Variants in DLGAP2 observed in about 807,000 individuals in gnomAD.
DLGAP2 encodes the protein disks large-associated protein 2.
In DLGAP2, 26 loss-of-function variants were observed where a neutral mutation model predicts 100.3. The observed-to-expected ratio is 0.26, with a 90% CI of 0.19 to 0.36. The LOEUF (loss-of-function observed/expected upper bound fraction) is 0.36, where lower values mean the gene tolerates loss of function less well. Ranked by LOEUF, DLGAP2 falls within the 10% of genes least tolerant of loss-of-function variation. The probability of loss-of-function intolerance (pLI) is 1.00; values close to 1 mark genes in which losing one functional copy is unlikely to be tolerated. For synonymous variants in DLGAP2, 886 were observed against 630.1 expected (o/e 1.41, Z -6.08); for missense variants, 1,858 against 1,453.2 (o/e 1.28, Z -4.53).
At chr8:1,120,505 C>G (rs1796012334) in intron 2 of DLGAP2, among the ~76,000 whole-genome samples, 1 of 152,142 alleles carries the variant, frequency 6.6e-6, no homozygotes, top group Non-Finnish European at 1.5e-5. Flanking sequence ...AGCCACCCAT[C>G]CTTCGGAACC....
intron 3 of DLGAP2, among the ~76,000 whole-genome samples, chr8:1,418,195 C>G (rs147244728): frequency 7.9e-5 from 12 of 152,150 alleles, no homozygotes; most frequent in Non-Finnish European, 1.3e-4. Flanking sequence ...CTTGGGTGGC[C>G]CAAAGAATGA....
chr8:1,381,645 G>C (rs1261787880), intron 3 of DLGAP2, among the ~76,000 whole-genome samples: 1 of 152,146 alleles, frequency 6.6e-6, no homozygotes, highest in Non-Finnish European at 1.5e-5. Context: ...GGTTTTTCTA[G>C]TTCCACAAGT....
intron 4 of DLGAP2, among the ~76,000 whole-genome samples, chr8:1,524,269 C>G (rs915131714): frequency 1.3e-5 from 2 of 152,144 alleles, no homozygotes; most frequent in African/African-American, 4.8e-5. Context: ...TGTCTGTTGT[C>G]CACCAATCTC....
chr8:1,423,577 G>A (rs945365999), intron 3 of DLGAP2, among the ~76,000 whole-genome samples: 2 of 152,236 alleles, frequency 1.3e-5, no homozygotes, highest in Admixed American at 6.5e-5. Context: ...TGAAAAGCAC[G>A]ACTTCCAGGA....
In DLGAP2 at chr8:1,409,085, G is replaced by A. The variant is rs114934759; in HGVS notation, c.107-92281G>A. On this transcript the variant is annotated intron_variant, in intron 3 of 14. Transcript: ENST00000637795. ...CCCTTCCTCACTGTAGCAGGCGCCC[G>A]GCTCCCCTTGGACCACTGCCCAGTT... is the stretch of plus-strand genomic sequence containing the variant. 9.9e-3 allele frequency among the ~76,000 whole-genome samples: 1,500 copies of A among 151,116 alleles called. 21 individuals carry two copies. The highest frequency in any genetic ancestry group is 0.034 in the African/African-American group (1,419 of 41,144).
rs1409285910 is a variant in DLGAP2, at chr8:1,548,570, C to G, written c.173-56C>G. The G allele has an allele frequency of 4.9e-6, 7 of 1,426,160 alleles. No individual in the cohort carries two copies. In the Admixed American group the frequency reaches 7.6e-5, roughly 15 times the overall value. The allele number at this position is 1,426,160 out of a possible 1,614,324, so 88.3% of individuals were successfully genotyped here. On this transcript the variant is annotated intron_variant, in intron 4 of 14. Coordinates refer to ENST00000637795, the MANE Select transcript of DLGAP2 (RefSeq NM_001346810.2). ...CGGTGGGGGTCACATATTCCCCGCA[C>G]CTGAGGGTTTCCGCCGCGCTTCCGG...
intron 1 of DLGAP2, among the ~76,000 whole-genome samples, chr8:843,948 G>T (rs1263307745): frequency 1.3e-5 from 2 of 152,144 alleles, no homozygotes; most frequent in Non-Finnish European, 2.9e-5. Context: ...TTACTTAGGG[G>T]ATTAAATATT....
chr8:1,364,510 GT>G (rs71518175), intron 3 of DLGAP2, among the ~76,000 whole-genome samples: 2,179 of 149,184 alleles, frequency 0.015, 81 homozygotes, highest in African/African-American at 0.049. Context: ...GGCGGGGGGG[GT>G]GCAGCGAAGC....
chr8:1,540,359 G>C (rs1801320475), intron 4 of DLGAP2, among the ~76,000 whole-genome samples: 1 of 152,202 alleles, frequency 6.6e-6, no homozygotes, highest in African/African-American at 2.4e-5. Context: ...TTCACTCACT[G>C]TCTACCACGG....
At chr8:1,434,805 T>A (rs2130019348) in intron 3 of DLGAP2, among the ~76,000 whole-genome samples, 1 of 152,282 alleles carries the variant, frequency 6.6e-6, no homozygotes, top group East Asian at 1.9e-4. Context: ...CAGAAAATGC[T>A]CCGTGAACAT....
At chr8:1,342,717 A>G (rs1045098015) in intron 3 of DLGAP2, among the ~76,000 whole-genome samples, 4 of 152,230 alleles carry the variant, frequency 2.6e-5, no homozygotes, top group African/African-American at 7.2e-5. Flanking sequence ...GAAAATGACT[A>G]AGCAGAACTT....
chr8:1,112,520 G>A lies in DLGAP2; in HGVS notation c.74-146331G>A, dbSNP rs139680761. Among the ~76,000 whole-genome samples the A allele has an allele frequency of 2.3e-3, 356 of 152,230 alleles. 1 individual carries two copies. Among genetic ancestry groups the A allele is most frequent in the Non-Finnish European group, 4.1e-3 (280 of 68,008 alleles). ...CTTACAAAGTGCTGGGATTGCAGGC[G>A]TGAGCCACCGCGCCCGGGCGTCCTT... On this transcript the variant is annotated intron_variant, in intron 2 of 14. Transcript: ENST00000637795.
chr8:1,635,694 G>A (rs1472639972), intron 8 of DLGAP2, among the ~76,000 whole-genome samples: 2 of 152,152 alleles, frequency 1.3e-5, no homozygotes, highest in Admixed American at 6.5e-5. Flanking sequence ...GGTAAAAGTT[G>A]ATGTTATTAT....
intron 3 of DLGAP2, among the ~76,000 whole-genome samples, chr8:1,432,996 G>T (rs903529998): frequency 6.6e-6 from 1 of 152,170 alleles, no homozygotes; most frequent in African/African-American, 2.4e-5. Flanking sequence ...CAGGCGGCTG[G>T]ACCTCCATGG....
At chr8:1,429,924 G>A (rs752408924) in intron 3 of DLGAP2, among the ~76,000 whole-genome samples, 6 of 144,384 alleles carry the variant, frequency 4.2e-5, no homozygotes, top group South Asian at 2.3e-4. Flanking sequence ...CATCATACAC[G>A]GCCTTCTGCT....
intron 1 of DLGAP2, among the ~76,000 whole-genome samples, chr8:779,600 A>G (rs1821632897): frequency 6.6e-6 from 1 of 151,532 alleles, no homozygotes. Context: ...AAGTGTGGGG[A>G]TTACAGGCAT....
chr8:780,408 T>C (rs1821652114), intron 1 of DLGAP2, among the ~76,000 whole-genome samples: 1 of 152,222 alleles, frequency 6.6e-6, no homozygotes, highest in African/African-American at 2.4e-5. Context: ...GTAGGTTGAT[T>C]CCATATCTTG....
intron 3 of DLGAP2, among the ~76,000 whole-genome samples, chr8:1,388,963 G>T (rs1210800979): frequency 3.5e-5 from 5 of 141,044 alleles, no homozygotes; most frequent in East Asian, 2.2e-4. Context: ...GAGAGGCAGA[G>T]GCCGTGGATG....
At chr8:1,225,699 TAAG>T (rs1798399957) in intron 2 of DLGAP2, among the ~76,000 whole-genome samples, 1 of 152,222 alleles carries the variant, frequency 6.6e-6, no homozygotes, top group Admixed American at 6.5e-5. Flanking sequence ...CTACCAAAAA[TAAG>T]AAGAAATACT....
Sources: gnomAD v4.1 joint callset for allele counts (sites outside exome capture counted in the v4.1 genomes callset) on GRCh38, gnomAD v4.1.1 for gene constraint, MANE v1.5 for transcripts, NCBI Gene and HGNC (gene_info 2026-07-23, HGNC 2026-07-21) for gene names.